UBE2L3: variants seen among roughly 807,000 people sequenced by gnomAD.
UBE2L3 encodes ubiquitin conjugating enzyme E2 L3.
In UBE2L3, 1 loss-of-function variant was observed where a neutral mutation model predicts 17.8. The observed-to-expected ratio is 0.06, with a 90% CI of 0.02 to 0.27. The LOEUF (loss-of-function observed/expected upper bound fraction) is 0.27. UBE2L3 is among the 10% of genes least tolerant of loss of function. The probability of loss-of-function intolerance (pLI) is 1.00; values close to 1 mark genes in which losing one functional copy is unlikely to be tolerated. For missense variants in UBE2L3, 40 were observed against 192.6 expected (o/e 0.21, Z 4.69); for synonymous variants, 44 against 68.5 (o/e 0.64, Z 1.76).
chr22:21,617,834 G>A (rs951008459), intron 3 of UBE2L3, among the ~76,000 whole-genome samples: 3 of 152,032 alleles, frequency 2.0e-5, no homozygotes, highest in Non-Finnish European at 4.4e-5. Context: ...ATGCACCCAG[G>A]GGAACAGCGA....
At chr22:21,567,447 G>T (rs1926686313), upstream of UBE2L3, 1 of 430,924 alleles carries the variant, frequency 2.3e-6, no homozygotes, top group Non-Finnish European at 3.9e-6. Context: ...ACAGGCGTGA[G>T]CCCCCGCGCC....
Position 21,623,202 on chromosome 22 carries a change from C to T in UBE2L3, c.*1533C>T, listed in dbSNP as rs948807718. 4 of 152,320 alleles carry T rather than the reference C, an allele frequency of 2.6e-5. No homozygotes were observed. The highest frequency in any genetic ancestry group is 5.9e-5 in the Non-Finnish European group (4 of 68,048). The allele number at this position is 152,320 out of a possible 1,614,324, so 9.4% of individuals were successfully genotyped here. On this transcript the variant is annotated 3_prime_UTR_variant, in exon 4 of 4. Transcript: ENST00000342192. ...TTGAGATCTTTCCGGGGCCTACAGG[C>T]GTGTAAGACAGCTTGGTCTGGTCTG...
chr22:21,616,377 G>A (rs1033494518), intron 3 of UBE2L3, among the ~76,000 whole-genome samples: 2 of 152,148 alleles, frequency 1.3e-5, no homozygotes, highest in East Asian at 1.9e-4. Flanking sequence ...CAGGCTGGGC[G>A]TGGTGGGTCA....
At chr22:21,562,518 CCCGCCACCACG>C (rs1163928506) in intron 1 of UBE2L3, among the ~76,000 whole-genome samples, 2 of 151,870 alleles carry the variant, frequency 1.3e-5, no homozygotes, top group Non-Finnish European at 2.9e-5. Context: ...ACCACAAGCA[CCCGCCACCACG>C]CCCAGATAAT....
intron 2 of UBE2L3, among the ~76,000 whole-genome samples, chr22:21,596,932 T>C (rs1928557452): frequency 6.6e-6 from 1 of 152,196 alleles, no homozygotes; most frequent in Non-Finnish European, 1.5e-5. Context: ...ATTTCTGTTT[T>C]CTTCATACTA....
intron 3 of UBE2L3, among the ~76,000 whole-genome samples, chr22:21,617,392 G>A (rs977596696): frequency 4.6e-5 from 7 of 151,754 alleles, no homozygotes; most frequent in Admixed American, 6.6e-5. Context: ...TCAGCCTCCC[G>A]AGTAGCTGGG....
intron 3 of UBE2L3, among the ~76,000 whole-genome samples, chr22:21,616,696 G>A (rs1369602308): frequency 2.0e-5 from 3 of 150,168 alleles, no homozygotes; most frequent in Non-Finnish European, 4.4e-5. Context: ...GTGGTGACAG[G>A]CACCTGTAAT....
At chr22:21,575,952 T>C (rs1397045389) in intron 1 of UBE2L3, among the ~76,000 whole-genome samples, 2 of 152,016 alleles carry the variant, frequency 1.3e-5, no homozygotes, top group Non-Finnish European at 1.5e-5. Flanking sequence ...TGAATAGCTC[T>C]TGAACTCAAA....
chr22:21,619,476 A>G (rs1159652920), intron 3 of UBE2L3, among the ~76,000 whole-genome samples: 5 of 152,086 alleles, frequency 3.3e-5, no homozygotes, highest in Non-Finnish European at 5.9e-5. Flanking sequence ...TGCATGCGCA[A>G]TGCCCTCCTC....
At chr22:21,616,752 C>G (rs738129) in intron 3 of UBE2L3, among the ~76,000 whole-genome samples, 1 of 151,334 alleles carries the variant, frequency 6.6e-6, no homozygotes, top group Non-Finnish European at 1.5e-5. Context: ...CACCCCCCCC[C>G]TTTTTTTAAA....
At chr22:21,562,565 G>A (rs1377876355) in intron 1 of UBE2L3, among the ~76,000 whole-genome samples, 1 of 151,280 alleles carries the variant, frequency 6.6e-6, no homozygotes, top group Non-Finnish European at 1.5e-5. Flanking sequence ...TAGAGACGGG[G>A]TTTCACCATG....
At chr22:21,605,722 T>C in intron 2 of UBE2L3, among the ~76,000 whole-genome samples, 1 of 152,210 alleles carries the variant, frequency 6.6e-6, no homozygotes, top group East Asian at 1.9e-4. Flanking sequence ...GCCAGGCTTG[T>C]CTCAAACTCC....
chr22:21,617,038 G>C (rs963934895), intron 3 of UBE2L3, among the ~76,000 whole-genome samples: 3 of 150,310 alleles, frequency 2.0e-5, no homozygotes, highest in African/African-American at 7.3e-5. Flanking sequence ...GTGAAACCCC[G>C]TCTCTACTAA....
intron 1 of UBE2L3, among the ~76,000 whole-genome samples, chr22:21,554,929 C>T (rs1012393862): frequency 6.7e-6 from 1 of 149,854 alleles, no homozygotes; most frequent in Non-Finnish European, 1.5e-5. Flanking sequence ...ACACCTGCCA[C>T]CATGCCTAGC....
At chr22:21,613,456 C>T (rs1251144623) in intron 3 of UBE2L3, among the ~76,000 whole-genome samples, 1 of 152,012 alleles carries the variant, frequency 6.6e-6, no homozygotes, top group Non-Finnish European at 1.5e-5. Flanking sequence ...ATGGACAGAA[C>T]TGGAATTGCT....
intron 2 of UBE2L3, among the ~76,000 whole-genome samples, chr22:21,593,677 C>T (rs779933870): frequency 1.3e-5 from 2 of 152,184 alleles, no homozygotes; most frequent in Non-Finnish European, 2.9e-5. Flanking sequence ...CCCTTCCTCT[C>T]ACTCTCCTGA....
chr22:21,600,115 C>T (rs887409938), intron 2 of UBE2L3, among the ~76,000 whole-genome samples: 2 of 151,582 alleles, frequency 1.3e-5, no homozygotes, highest in Admixed American at 6.6e-5. Flanking sequence ...AGTTTGAGAC[C>T]AGCCTGTCCA....
intron 3 of UBE2L3, among the ~76,000 whole-genome samples, chr22:21,615,398 A>AC (rs1285537525): frequency 1.5e-4 from 22 of 151,564 alleles, no homozygotes; most frequent in Admixed American, 1.1e-3. Context: ...TACTAAAAAT[A>AC]AAAAAAATTA....
intron 2 of UBE2L3, among the ~76,000 whole-genome samples, chr22:21,609,698 G>C (rs1230582225): frequency 6.6e-6 from 1 of 151,758 alleles, no homozygotes; most frequent in Non-Finnish European, 1.5e-5. Context: ...GCAAGACCCT[G>C]TCAAAAATAA....
Sources: allele counts gnomAD v4.1 joint callset (sites outside exome capture counted in the v4.1 genomes callset), GRCh38; gene constraint gnomAD v4.1.1; transcripts MANE v1.5; gene names NCBI Gene and HGNC (gene_info 2026-07-23, HGNC 2026-07-21).